UBAC2: variants seen among roughly 807,000 people sequenced by gnomAD.
The protein encoded by UBAC2 is ubiquitin-associated domain-containing protein 2.
UBAC2 carries 26 observed loss-of-function variants against 44.0 expected under a neutral mutation model. The ratio of observed to expected loss-of-function variants is 0.59; its 90% CI spans 0.43 to 0.82. The LOEUF (loss-of-function observed/expected upper bound fraction) is 0.82. UBAC2 is among the 40% of genes least tolerant of loss of function. UBAC2 has a pLI of 0.00. For missense variants in UBAC2, 329 were observed against 419.4 expected, an observed-to-expected ratio of 0.78 and a Z score of 1.88; for synonymous variants, 155 against 154.3, an observed-to-expected ratio of 1.00 and a Z score of -0.04.
chr13:99,244,737 T>A, intron 4 of UBAC2, 113 bp downstream of exon 4: 1 of 564,162 alleles, frequency 1.8e-6, no homozygotes, highest in Non-Finnish European at 2.9e-6. Flanking sequence ...TAGATATAGT[T>A]AAATTGATTT....
At chr13:99,299,873 A>C (rs1178826311) in intron 4 of UBAC2, among the ~76,000 whole-genome samples, 1 of 152,178 alleles carries the variant, frequency 6.6e-6, no homozygotes, top group East Asian at 1.9e-4. Flanking sequence ...CACAGGAAAA[A>C]AATTGGAGTG....
intron 6 of UBAC2, among the ~76,000 whole-genome samples, chr13:99,318,559 G>A (rs544256305): frequency 7.3e-5 from 11 of 150,266 alleles, no homozygotes; most frequent in South Asian, 4.3e-4. Flanking sequence ...AGTGACTCAC[G>A]CCTGTAATCC....
At chr13:99,319,024 A>G (rs900700359) in intron 6 of UBAC2, among the ~76,000 whole-genome samples, 1 of 152,120 alleles carries the variant, frequency 6.6e-6, no homozygotes, top group African/African-American at 2.4e-5. Context: ...TTGTAAAAAG[A>G]CATTGTCACA....
At chr13:99,203,675 T>G (rs1296052520) in intron 1 of UBAC2, among the ~76,000 whole-genome samples, 1 of 152,186 alleles carries the variant, frequency 6.6e-6, no homozygotes, top group East Asian at 1.9e-4. Flanking sequence ...CAAGTCAGTA[T>G]GATTCACATA....
chr13:99,295,225 G>A lies in UBAC2; in HGVS notation c.390-18872G>A, dbSNP rs760004618. 9.3e-6 allele frequency: 15 copies of A among 1,613,966 alleles called. No individual in the cohort carries two copies. The Admixed American group carries it at 1.3e-4, about 14-fold the overall frequency. The stretch of plus-strand genomic sequence containing the variant: ...TATACCCTTTACATGCAAAGAAGTA[G>A]ATAAAAGGGTCCATGCAGCAATTGA... On this transcript the variant is annotated intron_variant, in intron 4 of 8. Transcript: ENST00000403766. The surrounding 1 kb of genome is among the most constrained non-coding windows in gnomAD (Gnocchi z 4.1).
At chr13:99,231,047 CA>C (rs149090712) in intron 1 of UBAC2, among the ~76,000 whole-genome samples, 9 of 147,258 alleles carry the variant, frequency 6.1e-5, no homozygotes, top group Admixed American at 3.4e-4. Context: ...GACTCCGTCT[CA>C]AAAAAAAAAG....
chr13:99,306,492 C>CA (rs1170503864), intron 4 of UBAC2, among the ~76,000 whole-genome samples: 6 of 151,874 alleles, frequency 4.0e-5, no homozygotes, highest in African/African-American at 1.2e-4. Context: ...AGAGTGACAC[C>CA]AAAAAAACAA....
At chr13:99,382,029 A>G (rs1057355590) in intron 8 of UBAC2, among the ~76,000 whole-genome samples, 6 of 152,198 alleles carry the variant, frequency 3.9e-5, no homozygotes, top group African/African-American at 1.4e-4. Context: ...AGAATGGATA[A>G]TGATAGTGCA....
chr13:99,300,545 C>T (rs1326877087), intron 4 of UBAC2, among the ~76,000 whole-genome samples: 1 of 152,150 alleles, frequency 6.6e-6, no homozygotes, highest in African/African-American at 2.4e-5. Context: ...TATAATCTTC[C>T]CTTAGAGATA....
At chr13:99,360,858 C>A (rs1302628453) in intron 7 of UBAC2, among the ~76,000 whole-genome samples, 1 of 152,116 alleles carries the variant, frequency 6.6e-6, no homozygotes, top group Non-Finnish European at 1.5e-5. Flanking sequence ...TTCTGGGTAT[C>A]TTGCCTTCCC....
At chr13:99,309,773 G>T (rs2044387869) in intron 4 of UBAC2, among the ~76,000 whole-genome samples, 1 of 151,864 alleles carries the variant, frequency 6.6e-6, no homozygotes. Flanking sequence ...GCTAATTTTT[G>T]TATTTTTTTG....
At position 99,238,485 on chromosome 13, in the gene UBAC2, C is replaced by T. The variant is rs141864081; in HGVS notation, c.90C>T (p.Leu30=). 5.8e-5 allele frequency: 93 copies of T among 1,613,798 alleles called. No homozygotes were observed. Among genetic ancestry groups the T allele is most frequent in the Admixed American group, 1.3e-4 (8 of 59,998 alleles). The change falls in exon 2 of 9, where the codon CTC becomes CTT. Residue 30 remains leucine, a synonymous_variant. Transcript: ENST00000403766. The stretch of plus-strand genomic sequence containing the variant: ...TCCCCAGTGCCCTCTCCCTCCTGCT[C>T]GCCCTCCTCCTGCCTCACTGCCAGA... ...LLVPSALSLL[L]ALLLPHCQKL... is the part of the protein sequence containing the mutation.
At chr13:99,254,815 T>C (rs1221639371) in intron 4 of UBAC2, 2 of 1,277,200 alleles carry the variant, frequency 1.6e-6, no homozygotes, top group South Asian at 1.4e-5. Context: ...AGAATATCCA[T>C]TGACGCCAGA....
At chr13:99,375,111 TGCTGG>T (rs2045462684) in intron 8 of UBAC2, among the ~76,000 whole-genome samples, 1 of 152,194 alleles carries the variant, frequency 6.6e-6, no homozygotes, top group African/African-American at 2.4e-5. Flanking sequence ...TGTCTCATTC[TGCTGG>T]GTGCTCTGAG....
At chr13:99,376,602 A>G (rs1051215108) in intron 8 of UBAC2, among the ~76,000 whole-genome samples, 4 of 152,202 alleles carry the variant, frequency 2.6e-5, no homozygotes, top group Non-Finnish European at 5.9e-5. Flanking sequence ...CAGGCTCTGG[A>G]TGTTACATTT....
intron 4 of UBAC2, among the ~76,000 whole-genome samples, chr13:99,273,390 C>A (rs931817729): frequency 6.6e-6 from 1 of 152,122 alleles, no homozygotes; most frequent in African/African-American, 2.4e-5. Flanking sequence ...CCTTTGTGAT[C>A]CACTCCTGTT....
intron 6 of UBAC2, among the ~76,000 whole-genome samples, chr13:99,324,240 C>G (rs2044607428): frequency 1.3e-5 from 2 of 152,224 alleles, no homozygotes; most frequent in Admixed American, 6.5e-5. Flanking sequence ...TTCTGCCCCT[C>G]TCTACTGAAG....
chr13:99,310,453 G>A (rs1414460003), intron 4 of UBAC2, among the ~76,000 whole-genome samples: 2 of 152,196 alleles, frequency 1.3e-5, no homozygotes, highest in African/African-American at 4.8e-5. Flanking sequence ...GTATGAAAAA[G>A]GTCAAACTGA....
chr13:99,278,573 A>G (rs2043913453), intron 4 of UBAC2, among the ~76,000 whole-genome samples: 1 of 152,162 alleles, frequency 6.6e-6, no homozygotes, highest in South Asian at 2.1e-4. Flanking sequence ...TTGAAAAATG[A>G]TCAGTGTCTT....
Sources: allele counts gnomAD v4.1 joint callset (sites outside exome capture counted in the v4.1 genomes callset), GRCh38; gene constraint gnomAD v4.1.1; non-coding constraint Gnocchi (gnomAD v3.1); transcripts MANE v1.5; gene names NCBI Gene and HGNC (gene_info 2026-07-23, HGNC 2026-07-21).